Variants in SCPPPQ1 observed in about 807,000 individuals in gnomAD.
The protein encoded by SCPPPQ1 is secretory calcium-binding phosphoprotein proline- and glutamine-rich 1.
At chr4:87,470,927 C>A in the SCPPPQ1 span, among the ~76,000 whole-genome samples, 1 of 152,080 alleles carries the variant, frequency 6.6e-6, no homozygotes, top group African/African-American at 2.4e-5. Context: ...TGTTAGAAAT[C>A]ATTAAATTAC....
At chr4:87,470,380 A>C in the SCPPPQ1 span, among the ~76,000 whole-genome samples, 2 of 152,170 alleles carry the variant, frequency 1.3e-5, no homozygotes, top group Non-Finnish European at 2.9e-5. Flanking sequence ...ATCCACCTGA[A>C]GCTTGTACCT....
chr4:87,463,710 A>C, the SCPPPQ1 span, among the ~76,000 whole-genome samples: 1 of 152,174 alleles, frequency 6.6e-6, no homozygotes, highest in Non-Finnish European at 1.5e-5. Context: ...TAGAAAATTG[A>C]TTTGAATGGT....
At chr4:87,462,735 C>T in the SCPPPQ1 span, among the ~76,000 whole-genome samples, 3 of 152,104 alleles carry the variant, frequency 2.0e-5, no homozygotes, top group Non-Finnish European at 2.9e-5. Context: ...CAGTGGCTCA[C>T]GCCTGTAATC....
the SCPPPQ1 span, among the ~76,000 whole-genome samples, chr4:87,463,298 C>A: frequency 2.1e-5 from 3 of 143,716 alleles, no homozygotes; most frequent in Non-Finnish European, 4.5e-5. Context: ...AAAATCTTAC[C>A]CCAGAGAAGT....
the SCPPPQ1 span, among the ~76,000 whole-genome samples, chr4:87,463,007 A>C: frequency 1.3e-5 from 2 of 152,154 alleles, no homozygotes; most frequent in East Asian, 3.9e-4. Flanking sequence ...AAAAAAAAAA[A>C]AAAAAAGCCT....
the SCPPPQ1 span, among the ~76,000 whole-genome samples, chr4:87,469,978 G>T: frequency 1.4e-5 from 2 of 141,176 alleles, no homozygotes; most frequent in African/African-American, 5.4e-5. Context: ...TTTTGAGACA[G>T]GGTCTTGCTC....
the SCPPPQ1 span, among the ~76,000 whole-genome samples, chr4:87,469,068 CCTT>C: frequency 6.6e-5 from 10 of 152,094 alleles, no homozygotes; most frequent in Non-Finnish European, 1.0e-4. Context: ...TTAAATATTT[CCTT>C]CTTTAAAATC....
chr4:87,467,107 T>C, the SCPPPQ1 span, among the ~76,000 whole-genome samples: 2 of 152,170 alleles, frequency 1.3e-5, no homozygotes, highest in Non-Finnish European at 2.9e-5. Context: ...GATACTGTCT[T>C]CTCTGAAGTC....
the SCPPPQ1 span, among the ~76,000 whole-genome samples, chr4:87,462,995 CAAAAAA>C: frequency 1.1e-5 from 1 of 91,690 alleles, no homozygotes; most frequent in East Asian, 3.0e-4. Context: ...CAAGACTCCT[CAAAAAA>C]AAAAAAAAAA....
At chr4:87,467,822 G>A in the SCPPPQ1 span, among the ~76,000 whole-genome samples, 1,373 of 152,256 alleles carry the variant, frequency 9.0e-3, 12 homozygotes, top group Middle Eastern at 0.037. Flanking sequence ...GGGCGGTTGC[G>A]GAGGTAGGGG....
chr4:87,466,126 G>T, the SCPPPQ1 span, among the ~76,000 whole-genome samples: 5 of 152,174 alleles, frequency 3.3e-5, no homozygotes, highest in Non-Finnish European at 7.3e-5. Context: ...GGTCGCTCAT[G>T]CCTGTAATCC....
the SCPPPQ1 span, among the ~76,000 whole-genome samples, chr4:87,470,125 A>T: frequency 2.0e-5 from 3 of 151,866 alleles, no homozygotes; most frequent in Admixed American, 1.3e-4. Flanking sequence ...GGCTAATTTT[A>T]AAAAAATTTT....
the SCPPPQ1 span, among the ~76,000 whole-genome samples, chr4:87,464,674 C>G: frequency 6.6e-6 from 1 of 152,094 alleles, no homozygotes; most frequent in Non-Finnish European, 1.5e-5. Context: ...CCCATCTCTA[C>G]AGAAAATACA....
At chr4:87,461,304 T>C in the SCPPPQ1 span, among the ~76,000 whole-genome samples, 4 of 152,222 alleles carry the variant, frequency 2.6e-5, no homozygotes, top group Admixed American at 6.5e-5. Flanking sequence ...TCTGACTGGG[T>C]TGCAAAGCTA....
chr4:87,462,692 T>C, the SCPPPQ1 span, among the ~76,000 whole-genome samples: 1 of 152,120 alleles, frequency 6.6e-6, no homozygotes, highest in African/African-American at 2.4e-5. Flanking sequence ...ATGAATTGCC[T>C]ATAAGACAAA....
chr4:87,464,839 A>C, the SCPPPQ1 span, among the ~76,000 whole-genome samples: 1 of 152,212 alleles, frequency 6.6e-6, no homozygotes, highest in Non-Finnish European at 1.5e-5. Context: ...GTCTCAAAAA[A>C]CAACAACAGA....
chr4:87,462,922 T>C, the SCPPPQ1 span, among the ~76,000 whole-genome samples: 100,464 of 147,342 alleles, frequency 0.68, 34,418 homozygotes, highest in African/African-American at 0.82. Context: ...CGCTTGAGCC[T>C]GGGGGGGCAG....
At chr4:87,469,177 C>A in the SCPPPQ1 span, among the ~76,000 whole-genome samples, 2 of 152,150 alleles carry the variant, frequency 1.3e-5, no homozygotes, top group African/African-American at 2.4e-5. Flanking sequence ...AAGGGCATTA[C>A]AAATGAAACT....
chr4:87,470,531 T>G, the SCPPPQ1 span, among the ~76,000 whole-genome samples: 1 of 151,898 alleles, frequency 6.6e-6, no homozygotes, highest in Non-Finnish European at 1.5e-5. Flanking sequence ...AAATTCAGAT[T>G]CAATAAAGGA....
Sources: gnomAD v4.1 joint callset for allele counts (sites outside exome capture counted in the v4.1 genomes callset) on GRCh38, gnomAD v4.1.1 for gene constraint, MANE v1.5 for transcripts, NCBI Gene and HGNC (gene_info 2026-07-23, HGNC 2026-07-21) for gene names.